The following TBC1D5 variants were observed in gnomAD, a reference collection of about 807,000 sequenced individuals.
TBC1D5 encodes the protein TBC1 domain family, member 5.
TBC1D5 carries 75 observed loss-of-function variants against 100.3 expected under a neutral mutation model. The observed-to-expected ratio is 0.75, with a 90% confidence interval of 0.62 to 0.91. The LOEUF (loss-of-function observed/expected upper bound fraction) is 0.91. Ranked by LOEUF, TBC1D5 falls within the 40% of genes least tolerant of loss-of-function variation. The pLI is 0.00. For missense variants in TBC1D5, 910 were observed against 942.4 expected (o/e 0.97, Z 0.45); for synonymous variants, 323 against 325.6 (o/e 0.99, Z 0.09).
chr3:17,257,033 A>C (rs2077769337), intron 16 of TBC1D5, among the ~76,000 whole-genome samples: 2 of 152,140 alleles, frequency 1.3e-5, no homozygotes, highest in Non-Finnish European at 2.9e-5. Context: ...GAAGGAGATA[A>C]GGTCAAAGAG....
intron 4 of TBC1D5, among the ~76,000 whole-genome samples, chr3:17,407,027 T>C (rs191579996): frequency 2.4e-4 from 36 of 152,194 alleles, no homozygotes; most frequent in Admixed American, 2.2e-3. Context: ...ACTACTGAAA[T>C]TGCAACTTCT....
chr3:17,535,918 C>T (rs1217120279), intron 2 of TBC1D5, among the ~76,000 whole-genome samples: 2 of 152,020 alleles, frequency 1.3e-5, no homozygotes, highest in Admixed American at 6.6e-5. Flanking sequence ...TTTTAAACTA[C>T]GTAAGTAGGA....
intron 13 of TBC1D5, among the ~76,000 whole-genome samples, chr3:17,323,361 C>A (rs2085676301): frequency 6.6e-6 from 1 of 151,994 alleles, no homozygotes. Flanking sequence ...ATATTCTTCA[C>A]AAAATATTAG....
At chr3:17,534,687 C>T (rs1338210488) in intron 2 of TBC1D5, among the ~76,000 whole-genome samples, 1 of 152,144 alleles carries the variant, frequency 6.6e-6, no homozygotes, top group African/African-American at 2.4e-5. Flanking sequence ...TTCTCATGAA[C>T]ATTCAAATTA....
At chr3:17,182,184 T>G (rs2068524751) in intron 19 of TBC1D5, among the ~76,000 whole-genome samples, 1 of 152,196 alleles carries the variant, frequency 6.6e-6, no homozygotes, top group Admixed American at 6.5e-5. Context: ...GCATTTGAAG[T>G]GAAATGCATC....
At chr3:17,565,911 A>G (rs2096590629) in intron 2 of TBC1D5, among the ~76,000 whole-genome samples, 1 of 152,052 alleles carries the variant, frequency 6.6e-6, no homozygotes, top group Non-Finnish European at 1.5e-5. Context: ...TAATTACTAT[A>G]ACTATACTGC....
chr3:17,451,744 C>A (rs960207222), intron 3 of TBC1D5, among the ~76,000 whole-genome samples: 1 of 152,116 alleles, frequency 6.6e-6, no homozygotes, highest in African/African-American at 2.4e-5. Context: ...GCATATTCTG[C>A]ACATGTATAC....
chr3:17,490,041 TACTGGCATGAGATGGTATCTC>T (rs1290785810), intron 3 of TBC1D5, among the ~76,000 whole-genome samples: 2 of 152,202 alleles, frequency 1.3e-5, no homozygotes, highest in Non-Finnish European at 2.9e-5. Flanking sequence ...TCACCATTCT[TACTGGCATGAGATGGTATCTC>T]ACTGTGGTTT....
intron 1 of TBC1D5, among the ~76,000 whole-genome samples, chr3:17,681,223 A>G (rs2069420532): frequency 6.6e-6 from 1 of 151,648 alleles, no homozygotes; most frequent in Non-Finnish European, 1.5e-5. Flanking sequence ...TTTGTTAGGT[A>G]TAATAGGCAT....
chr3:17,414,536 C>A (rs1343173588), intron 4 of TBC1D5, among the ~76,000 whole-genome samples: 1 of 152,072 alleles, frequency 6.6e-6, no homozygotes, highest in Admixed American at 6.5e-5. Context: ...TCAAATAGAA[C>A]AAGTAACATC....
chr3:17,586,654 T>C (rs1442612984), intron 2 of TBC1D5: 3 of 152,052 alleles, frequency 2.0e-5, no homozygotes, highest in Non-Finnish European at 2.9e-5. Context: ...TATCAAACAA[T>C]ACAAAAAGCA....
Position 17,608,078 on chromosome 3 carries a change from G to A in TBC1D5, c.-36+15771C>T, listed in dbSNP as rs145829149. On this transcript the variant is annotated intron_variant, in intron 2 of 21. Transcript: ENST00000253692. ...TCAAAACCAGCCTGGCCAACATTGCGAAACCCCGTCTCTACTAAAAATACA... is the reference window on the plus strand; with the variant it reads ...TCAAAACCAGCCTGGCCAACATTGCAAAACCCCGTCTCTACTAAAAATACA... 1.0e-3 allele frequency among the ~76,000 whole-genome samples: 159 copies of A among 152,178 alleles called. 2 individuals are homozygous for A. The highest frequency in any genetic ancestry group is 3.5e-3 in the African/African-American group (146 of 41,518).
At chr3:17,432,109 A>T (rs1479700781) in intron 3 of TBC1D5, among the ~76,000 whole-genome samples, 5 of 152,182 alleles carry the variant, frequency 3.3e-5, no homozygotes, top group African/African-American at 1.2e-4. Context: ...CACACTAGGT[A>T]TGAATTCTGA....
chr3:17,664,459 A>C (rs1396716404), intron 1 of TBC1D5, among the ~76,000 whole-genome samples: 1 of 152,232 alleles, frequency 6.6e-6, no homozygotes, highest in Non-Finnish European at 1.5e-5. Flanking sequence ...CCATTTTTCA[A>C]CAGTAACACT....
At chr3:17,673,411 G>C (rs1162943042) in intron 1 of TBC1D5, among the ~76,000 whole-genome samples, 1 of 149,034 alleles carries the variant, frequency 6.7e-6, no homozygotes, top group Non-Finnish European at 1.5e-5. Context: ...ACCAGGCTCA[G>C]TTGATCCTCC....
intron 2 of TBC1D5, among the ~76,000 whole-genome samples, chr3:17,607,712 A>G (rs1161653065): frequency 6.7e-6 from 1 of 150,078 alleles, no homozygotes; most frequent in African/African-American, 2.5e-5. Flanking sequence ...TACCCAGAAT[A>G]GAACCTATGG....
chr3:17,167,971 G>A (rs1377556166), intron 19 of TBC1D5, 143 bp from the exon 21 acceptor site: 13 of 632,520 alleles, frequency 2.1e-5, no homozygotes, highest in East Asian at 5.7e-5. Flanking sequence ...TGCAAACTGC[G>A]GATGGGGAAG....
chr3:17,247,112 A>T (rs1198785081), intron 16 of TBC1D5, among the ~76,000 whole-genome samples: 2 of 152,174 alleles, frequency 1.3e-5, no homozygotes, highest in African/African-American at 4.8e-5. Context: ...TGGGCATTCC[A>T]TGCCTACATG....
chr3:17,371,435 A>G (rs79519650), intron 13 of TBC1D5, among the ~76,000 whole-genome samples: 13,641 of 152,096 alleles, frequency 0.09, 1,392 homozygotes, highest in African/African-American at 0.25. Context: ...TTTTGCACTG[A>G]GCTCTGCAAA....
Sources: gnomAD v4.1 joint callset for allele counts (sites outside exome capture counted in the v4.1 genomes callset) on GRCh38, gnomAD v4.1.1 for gene constraint, MANE v1.5 for transcripts, NCBI Gene and HGNC (gene_info 2026-07-23, HGNC 2026-07-21) for gene names.